The following BCAR3 variants were observed in gnomAD, a reference collection of about 807,000 sequenced individuals.
The protein encoded by BCAR3 is breast cancer anti-estrogen resistance protein 3.
A neutral mutation model predicts 80.1 loss-of-function variants in BCAR3; 37 were observed. That is an observed-to-expected ratio of 0.46 (90% CI 0.36 to 0.61). BCAR3 has a LOEUF of 0.61. Ranked by LOEUF, BCAR3 falls within the 20% of genes least tolerant of loss-of-function variation. BCAR3 has a pLI of 0.00. For synonymous variants in BCAR3, 389 were observed against 418.9 expected (o/e 0.93, Z 0.87); for missense variants, 978 against 1,068.2 (o/e 0.92, Z 1.18).
intron 2 of BCAR3, among the ~76,000 whole-genome samples, chr1:93,720,842 G>C (rs905165800): frequency 1.3e-5 from 2 of 152,182 alleles, no homozygotes; most frequent in Non-Finnish European, 2.9e-5. Context: ...CTCACTTGTG[G>C]GGAGGGGAGA....
chr1:93,662,871 C>T (rs1484417087), intron 2 of BCAR3, among the ~76,000 whole-genome samples: 1 of 152,172 alleles, frequency 6.6e-6, no homozygotes, highest in African/African-American at 2.4e-5. Context: ...TCAAGCTTAT[C>T]ATTTTGTAGC....
chr1:93,571,727 A>T lies in BCAR3; in HGVS notation c.1917T>A (p.Asp639Glu), dbSNP rs139804620. 2.4e-5 allele frequency: 38 copies of T among 1,614,104 alleles called. No homozygotes were observed. The African/African-American group carries it at 4.0e-4, about 17-fold the overall frequency. Residue 639 changes from aspartate to glutamate, a missense_variant, in exon 9 of 12, where the codon GAT becomes GAA. Physicochemically the swap from Asp to Glu is conservative, Grantham distance 45. Transcript: ENST00000260502. ...AGAAGGAATAGAGGTCCCCCATGGA[A>T]TCCTTCAGTTCCACCGCCACCTGGA... Reference protein sequence around the residue: ...KIIQVAVELKDSMGDLYSFSA... With the variant: ...KIIQVAVELKESMGDLYSFSA...
chr1:93,655,109 G>GT (rs1216687956), intron 2 of BCAR3, among the ~76,000 whole-genome samples: 3 of 152,206 alleles, frequency 2.0e-5, no homozygotes, highest in Admixed American at 6.5e-5. Context: ...AGCAGGAACA[G>GT]TAAGGGGCTG....
At chr1:93,767,940 A>G (rs1243660922) in intron 2 of BCAR3, among the ~76,000 whole-genome samples, 2 of 152,082 alleles carry the variant, frequency 1.3e-5, no homozygotes, top group African/African-American at 4.8e-5. Flanking sequence ...TTACAAAAGC[A>G]CATATTTCTA....
rs565375424 is a variant in BCAR3, at chr1:93,812,535, C to T, written c.-63+33032G>A. On this transcript the variant is annotated intron_variant, in intron 2 of 13. Coordinates refer to the BCAR3 transcript ENST00000370244. Reference sequence around the variant, plus strand: ...TGGGAAACCCAAATGATGAACTGGACTGGACTGTTTTCTAGGTCTTTGCTT... The same window carrying T: ...TGGGAAACCCAAATGATGAACTGGATTGGACTGTTTTCTAGGTCTTTGCTT... Among the ~76,000 whole-genome samples, 4 of 152,334 alleles carry T rather than the reference C, an allele frequency of 2.6e-5. No individual in the cohort carries two copies. In the East Asian group the frequency reaches 7.7e-4, roughly 29 times the overall value.
intron 2 of BCAR3, among the ~76,000 whole-genome samples, chr1:93,738,873 C>A (rs1171269588): frequency 6.6e-6 from 1 of 152,070 alleles, no homozygotes; most frequent in South Asian, 2.1e-4. Context: ...TAGTTAGGAC[C>A]CTTCAGGTGA....
chr1:93,682,714 C>T (rs1020375584), upstream of BCAR3, among the ~76,000 whole-genome samples: 6 of 152,126 alleles, frequency 3.9e-5, no homozygotes, highest in Non-Finnish European at 8.8e-5. Flanking sequence ...GCCACTATGC[C>T]CGGCTAATTT....
chr1:93,835,630 C>T (rs954261571), intron 2 of BCAR3, among the ~76,000 whole-genome samples: 5 of 152,200 alleles, frequency 3.3e-5, no homozygotes, highest in South Asian at 2.1e-4. Context: ...TCCTTTCCAT[C>T]GTGGAAATCT....
In BCAR3 at chr1:93,592,538, A is replaced by T. The variant is rs184637144; in HGVS notation, c.358-145T>A. On this transcript the variant is annotated intron_variant, in intron 3 of 11. Transcript: ENST00000260502. The surrounding 1 kb of genome is among the most constrained non-coding windows in gnomAD (Gnocchi z 4.8). ...GGGAGCCTGGATAATGATTACAAAG[A>T]GCTGTGACCTTTCGTTTCTCCGGCC... 1.7e-6 allele frequency: 2 copies of T among 1,150,104 alleles called. No homozygotes were observed. Among genetic ancestry groups the T allele is most frequent in the African/African-American group, 3.2e-5 (2 of 63,452 alleles). The allele number at this position is 1,150,104 out of a possible 1,614,324, so 71.2% of individuals were successfully genotyped here.
At chr1:93,759,574 C>A (rs1308071482) in intron 2 of BCAR3, among the ~76,000 whole-genome samples, 1 of 152,176 alleles carries the variant, frequency 6.6e-6, no homozygotes, top group Non-Finnish European at 1.5e-5. Context: ...TCTTCATTTT[C>A]ATGCCAACTG....
At chr1:93,817,467 T>G (rs931169741) in intron 2 of BCAR3, among the ~76,000 whole-genome samples, 4 of 152,202 alleles carry the variant, frequency 2.6e-5, no homozygotes, top group African/African-American at 9.6e-5. Context: ...TGAGACAACT[T>G]TTTTCTTTTT....
At chr1:93,690,927 A>C (rs1649165836) in intron 3 of BCAR3, among the ~76,000 whole-genome samples, 1 of 152,156 alleles carries the variant, frequency 6.6e-6, no homozygotes, top group African/African-American at 2.4e-5. Flanking sequence ...CTTGGGAAAA[A>C]GGGGGAATCT....
chr1:93,583,298 G>T (rs1446619807), intron 6 of BCAR3, among the ~76,000 whole-genome samples: 2 of 152,108 alleles, frequency 1.3e-5, no homozygotes, highest in Non-Finnish European at 2.9e-5. Context: ...ATGTAATCTT[G>T]CCCTAAGAAA....
At chr1:93,569,991 G>GA (rs1211395714) in intron 9 of BCAR3, among the ~76,000 whole-genome samples, 1 of 152,130 alleles carries the variant, frequency 6.6e-6, no homozygotes, top group African/African-American at 2.4e-5. Flanking sequence ...ATACCTGAAT[G>GA]AAAAAATGAT....
At chr1:93,616,812 A>C (rs889356893) in intron 3 of BCAR3, among the ~76,000 whole-genome samples, 1 of 152,210 alleles carries the variant, frequency 6.6e-6, no homozygotes, top group Non-Finnish European at 1.5e-5. Flanking sequence ...GGAGGGGCCC[A>C]GTCAGGCAGC....
At chr1:93,845,676 T>C (rs1655150924) in exon 2 of BCAR3, 10 of 152,024 alleles carry the variant, frequency 6.6e-5, no homozygotes, top group Admixed American at 5.2e-4. Flanking sequence ...GCGTTGTGTT[T>C]GCAGCGAGCA....
At position 93,603,334 on chromosome 1, in the gene BCAR3, A is replaced by T. The variant is rs183539; in HGVS notation, c.358-10941T>A. ...GAGGTGCCACTTGTACACAGCTGTC[A>T]TGGATCTATATATTGATTACAACAG... On this transcript the variant is annotated intron_variant, in intron 3 of 11. Transcript: ENST00000260502. Among the ~76,000 whole-genome samples the T allele has an allele frequency of 2.7e-3, 407 of 152,320 alleles. 2 individuals are homozygous for T. Among genetic ancestry groups the T allele is most frequent in the Admixed American group, 5.6e-3 (85 of 15,300 alleles).
chr1:93,763,590 T>C (rs1443218715), intron 2 of BCAR3, among the ~76,000 whole-genome samples: 2 of 152,202 alleles, frequency 1.3e-5, no homozygotes, highest in Non-Finnish European at 2.9e-5. Context: ...AATTCCTCAC[T>C]CTCGAGCAAT....
At chr1:93,840,108 T>G (rs1654904936) in intron 2 of BCAR3, among the ~76,000 whole-genome samples, 1 of 152,156 alleles carries the variant, frequency 6.6e-6, no homozygotes, top group African/African-American at 2.4e-5. Context: ...AAATTGTGAT[T>G]TAACTGGCCT....
Sources: allele counts gnomAD v4.1 joint callset (sites outside exome capture counted in the v4.1 genomes callset), GRCh38; gene constraint gnomAD v4.1.1; non-coding constraint Gnocchi (gnomAD v3.1); transcripts MANE v1.5; gene names NCBI Gene and HGNC (gene_info 2026-07-23, HGNC 2026-07-21).